Variants in PCDHGB1 observed in about 807,000 individuals in gnomAD.
PCDHGB1 encodes the protein protocadherin gamma-B1.
In PCDHGB1, 34 loss-of-function variants were observed where a neutral mutation model predicts 56.6. The observed-to-expected ratio is 0.60, with a 90% CI of 0.46 to 0.80. The LOEUF (loss-of-function observed/expected upper bound fraction) is 0.80. PCDHGB1 is among the 30% of genes least tolerant of loss of function. The pLI is 0.00. For missense variants in PCDHGB1, 1,278 were observed against 1,204.6 expected (o/e 1.06, Z -0.90); for synonymous variants, 561 against 505.9 (o/e 1.11, Z -1.46).
At chr5:141,464,024 G>A (rs2099074308) in intron 1 of PCDHGB1, among the ~76,000 whole-genome samples, 1 of 151,996 alleles carries the variant, frequency 6.6e-6, no homozygotes, top group East Asian at 1.9e-4. Context: ...CCACACTTTG[G>A]GAGGCCAAGG....
intron 1 of PCDHGB1, chr5:141,416,195 CAATT>C (rs1181982521): frequency 6.6e-6 from 1 of 152,322 alleles, no homozygotes; most frequent in African/African-American, 2.4e-5. Flanking sequence ...ATTGAATTAA[CAATT>C]TATTTATAAC....
At chr5:141,361,817 G>A (rs778870438) in intron 1 of PCDHGB1, 2 of 1,613,072 alleles carry the variant, frequency 1.2e-6, no homozygotes, top group Non-Finnish European at 1.7e-6. Flanking sequence ...AATGCGCCAC[G>A]GGTGCTGTAC....
chr5:141,501,636 C>T (rs2099810310), intron 2 of PCDHGB1, among the ~76,000 whole-genome samples: 1 of 152,130 alleles, frequency 6.6e-6, no homozygotes, highest in South Asian at 2.1e-4. Flanking sequence ...CTCAACCTCT[C>T]TGAGCCCTGT....
At chr5:141,502,400 C>T (rs964923206) in intron 2 of PCDHGB1, among the ~76,000 whole-genome samples, 2 of 151,748 alleles carry the variant, frequency 1.3e-5, no homozygotes, top group African/African-American at 4.8e-5. Flanking sequence ...AAAATGTCCC[C>T]GAACCTGGAT....
At chr5:141,467,932 TA>T (rs1391978978) in intron 1 of PCDHGB1, among the ~76,000 whole-genome samples, 4 of 152,186 alleles carry the variant, frequency 2.6e-5, no homozygotes, top group Non-Finnish European at 4.4e-5. Flanking sequence ...ATGCTAGGAT[TA>T]CAAGCATGAG....
intron 1 of PCDHGB1, among the ~76,000 whole-genome samples, chr5:141,461,151 C>A (rs1424467673): frequency 6.6e-6 from 1 of 152,022 alleles, no homozygotes; most frequent in African/African-American, 2.4e-5. Context: ...TGGGTAGATA[C>A]CCAATAGTGG....
rs2099748032 is a variant in PCDHGB1 at position 141,493,397 on chromosome 5, G to A, written c.2410-1410G>A. ...TTAAAAGCTTGAGGACAGGAGAGGG[G>A]AGTTGCCTCTGCTGGGATTTTGCTT... On this transcript the variant is annotated intron_variant, in intron 1 of 3. Coordinates refer to ENST00000523390, the MANE Select transcript of PCDHGB1 (RefSeq NM_018922.3). This position sits in a 1 kb window ranked among gnomAD's most constrained non-coding sequence, Gnocchi z 4.3. Among the ~76,000 whole-genome samples the A allele has an allele frequency of 6.6e-6, 1 of 152,176 alleles. No individual in the cohort carries two copies. Among genetic ancestry groups the A allele is most frequent in the Non-Finnish European group, 1.5e-5 (1 of 68,040 alleles).
At chr5:141,483,224 G>A (rs530779494) in intron 1 of PCDHGB1, among the ~76,000 whole-genome samples, 17 of 152,242 alleles carry the variant, frequency 1.1e-4, no homozygotes, top group Middle Eastern at 3.4e-3. Flanking sequence ...AGTCACTGCA[G>A]AAATTTGAAC....
At chr5:141,403,270 T>C (rs1284833810) in intron 1 of PCDHGB1, 2 of 1,613,770 alleles carry the variant, frequency 1.2e-6, no homozygotes, top group African/African-American at 1.3e-5. Flanking sequence ...TGGTGAACTT[T>C]AAAGTCCTGG....
At chr5:141,384,512 G>A (rs1780165876) in intron 1 of PCDHGB1, 1 of 1,614,062 alleles carries the variant, frequency 6.2e-7, no homozygotes, top group Admixed American at 1.7e-5. Context: ...CATGACAGCG[G>A]GGACCCGCCT....
intron 2 of PCDHGB1, among the ~76,000 whole-genome samples, chr5:141,496,753 A>G (rs2099771084): frequency 6.6e-6 from 1 of 152,166 alleles, no homozygotes; most frequent in Admixed American, 6.5e-5. Flanking sequence ...TTCAACAAAT[A>G]TTTATCGAGC....
Position 141,419,652 on chromosome 5 carries a change from C to T in PCDHGB1, c.2409+66983C>T, listed in dbSNP as rs563445438. 15 of 1,612,592 alleles carry T rather than the reference C, an allele frequency of 9.3e-6. 1 individual carries two copies. In the Admixed American group the frequency reaches 1.3e-4, roughly 14 times the overall value. On this transcript the variant is annotated intron_variant, in intron 1 of 3. Transcript: ENST00000523390. ...AAGGTGGTGGCCGTGGACGCGGACT[C>T]GGGGCACAATGCCTGGCTGTCCTAC... is the stretch of plus-strand genomic sequence containing the variant.
intron 1 of PCDHGB1, chr5:141,376,036 G>A (rs755190782): frequency 5.0e-6 from 8 of 1,613,116 alleles, no homozygotes; most frequent in South Asian, 1.1e-5. Flanking sequence ...ACCACGGCCA[G>A]CCCCCTCTCT....
chr5:141,491,542 G>T lies in PCDHGB1; in HGVS notation c.2410-3265G>T, dbSNP rs112433306. The T allele has an allele frequency of 6.2e-7, 1 of 1,613,898 alleles. No homozygotes were observed. Among genetic ancestry groups the T allele is most frequent in the Admixed American group, 1.7e-5 (1 of 60,006 alleles). On this transcript the variant is annotated intron_variant, in intron 1 of 3. Transcript: ENST00000523390. This position sits in a 1 kb window ranked among gnomAD's most constrained non-coding sequence, Gnocchi z 6.9. ...CATGGAGGTGACGCTGCGGCCCACA[G>T]ACTCGCAGAGCCACTGCTACAGGAC...
rs374176829 is a variant in PCDHGB1 at position 141,350,876 on chromosome 5, C to A, written c.616C>A (p.Arg206Ser). The A allele has an allele frequency of 3.7e-6, 6 of 1,613,936 alleles. No homozygotes were observed. In the Admixed American group the frequency reaches 6.7e-5, roughly 18 times the overall value. The change falls in exon 1 of 4, where the codon CGC (arginine) becomes AGC (serine). Residue 206 changes from arginine to serine, a missense_variant. Arg to Ser is a moderately radical substitution (Grantham distance 110). Coordinates refer to ENST00000523390, the MANE Select transcript of PCDHGB1 (RefSeq NM_018922.3). ...PLDREHQSSHRLILTAMDGGD... is the reference protein window; with the variant it reads ...PLDREHQSSHSLILTAMDGGD... The stretch of plus-strand genomic sequence containing the variant: ...AGACAGGGAACATCAGAGCTCTCAT[C>A]GCTTAATCCTGACTGCCATGGATGG...
chr5:141,404,798 C>T (rs1422774939), intron 1 of PCDHGB1: 2 of 1,613,842 alleles, frequency 1.2e-6, no homozygotes, highest in Admixed American at 1.7e-5. Context: ...TGAGCCAGGG[C>T]TCTTCTCGGT....
At position 141,352,190 on chromosome 5, in the gene PCDHGB1, G is replaced by A; in HGVS notation, c.1930G>A (p.Asp644Asn). The change falls in exon 1 of 4, where the codon GAT becomes AAT. Residue 644 changes from aspartate (D) to asparagine (N), a missense_variant. Asp to Asn is a conservative substitution (Grantham distance 23). Coordinates refer to ENST00000523390, the MANE Select transcript of PCDHGB1 (RefSeq NM_018922.3). ...CCAGCGCCTGCTGGTCGCTGTGCGT[G>A]ATGGAGGACAGCCGCCACTCTCCGC... ...ARQRLLVAVR[D>N]GGQPPLSATA... is the part of the protein sequence containing the mutation. 6.2e-7 allele frequency: 1 copy of A among 1,613,874 alleles called. No individual in the cohort carries two copies. The highest frequency in any genetic ancestry group is 2.2e-5 in the East Asian group (1 of 44,880).
At chr5:141,430,818 T>G (rs1240970813) in intron 1 of PCDHGB1, 2 of 1,540,582 alleles carry the variant, frequency 1.3e-6, no homozygotes, top group Non-Finnish European at 1.7e-6. Flanking sequence ...GGAATCCTCC[T>G]GGGGACTCTG....
intron 1 of PCDHGB1, chr5:141,430,575 A>T (rs1056696427): frequency 2.2e-6 from 1 of 455,822 alleles, no homozygotes; most frequent in Non-Finnish European, 3.7e-6. Flanking sequence ...AAAAGCGGAG[A>T]TCCTGCTCGC....
Sources: allele counts gnomAD v4.1 joint callset (sites outside exome capture counted in the v4.1 genomes callset), GRCh38; gene constraint gnomAD v4.1.1; non-coding constraint Gnocchi (gnomAD v3.1); transcripts MANE v1.5; gene names NCBI Gene and HGNC (gene_info 2026-07-23, HGNC 2026-07-21).